THAP8: variants seen among roughly 807,000 people sequenced by gnomAD.
THAP8 encodes THAP domain containing 8.
A neutral mutation model predicts 25.0 loss-of-function variants in THAP8; 24 were observed. That is an observed-to-expected ratio of 0.96 (90% CI 0.69 to 1.35). The LOEUF (loss-of-function observed/expected upper bound fraction) is 1.35, where lower values mean the gene tolerates loss of function less well. Ranked by LOEUF, THAP8 falls within the 40% of genes most tolerant of loss-of-function variation. THAP8 has a pLI of 0.00. For synonymous variants in THAP8, 169 were observed against 157.6 expected, an observed-to-expected ratio of 1.07 and a Z score of -0.54; for missense variants, 399 against 368.8, an observed-to-expected ratio of 1.08 and a Z score of -0.67.
chr19:36,040,050 A>G lies in THAP8; in HGVS notation c.170T>C (p.Leu57Ser). ...EHWVPSCHQH[L>S]CSEHFTPSCF... ...GGAGGGTGTGAAGTGCTCGCTGCACAAGTGCTGGTGGCAGCTGGGCACCCA... is the reference window on the plus strand; with the variant it reads ...GGAGGGTGTGAAGTGCTCGCTGCACGAGTGCTGGTGGCAGCTGGGCACCCA... Residue 57 changes from leucine (L) to serine (S), a missense_variant, in exon 2 of 4, where the codon TTG (leucine) becomes TCG (serine). Physicochemically the swap from Leu to Ser is moderately radical, Grantham distance 145. Coordinates refer to ENST00000292894, the MANE Select transcript of THAP8 (RefSeq NM_152658.3). The G allele has an allele frequency of 6.2e-7, 1 of 1,613,736 alleles. No homozygotes were observed.
chr19:36,052,718 G>A (rs1274962123), intron 1 of THAP8, among the ~76,000 whole-genome samples: 1 of 152,168 alleles, frequency 6.6e-6, no homozygotes, highest in African/African-American at 2.4e-5. Context: ...CTCCAAACCT[G>A]GATTGTAAAT....
At chr19:36,035,835 G>A (rs1355404316) in intron 3 of THAP8, among the ~76,000 whole-genome samples, 2 of 152,018 alleles carry the variant, frequency 1.3e-5, no homozygotes, top group Non-Finnish European at 2.9e-5. Context: ...ACGCAGACAC[G>A]TGGGGGAAAG....
chr19:36,054,425 A>G, upstream of THAP8: 1 of 627,044 alleles, frequency 1.6e-6, no homozygotes, highest in Non-Finnish European at 2.8e-6. Context: ...CACGTGACGA[A>G]TGGGCCATAG....
At chr19:36,042,796 T>C (rs1969743065) in intron 1 of THAP8, among the ~76,000 whole-genome samples, 2 of 152,162 alleles carry the variant, frequency 1.3e-5, no homozygotes, top group South Asian at 4.1e-4. Flanking sequence ...AGATGCAGTC[T>C]CACTCTGTCA....
intron 1 of THAP8, among the ~76,000 whole-genome samples, 160 bp downstream of exon 1, chr19:36,053,975 G>A (rs540493241): frequency 6.6e-6 from 1 of 152,148 alleles, no homozygotes; most frequent in South Asian, 2.1e-4. Context: ...ACCTTTGTAT[G>A]TGCAATGGAC....
At position 36,039,391 on chromosome 19, in the gene THAP8, C is replaced by G. The variant is rs1286841408; in HGVS notation, c.604G>C (p.Glu202Gln). The G allele has an allele frequency of 6.5e-7, 1 of 1,545,018 alleles. No individual in the cohort carries two copies. The highest frequency in any genetic ancestry group is 1.2e-5 in the South Asian group (1 of 84,438). The part of the protein sequence containing the change: ...ERHQAQLQAL[E>Q]RLAQQLHGES... ...CCGTGTAGCTGCTGTGCCAGCCGTT[C>G]CAGGGCCTGCAGCTGCGCCTGGTGC... The change falls in exon 3 of 4, where the codon GAA becomes CAA. Residue 202 changes from glutamate to glutamine, a missense_variant. Transcript: ENST00000292894.
At position 36,054,201 on chromosome 19, in the gene THAP8, C is replaced by T. The variant is rs369085779; in HGVS notation, c.17G>A (p.Arg6Lys). 2 of 1,613,884 alleles carry T rather than the reference C, an allele frequency of 1.2e-6. No individual in the cohort carries two copies. The highest frequency in any genetic ancestry group is 1.7e-6 in the Non-Finnish European group (2 of 1,179,904). The change falls in exon 1 of 4, where the codon AGG becomes AAG. Residue 6 changes from arginine to lysine, a missense_variant. Coordinates refer to ENST00000292894, the MANE Select transcript of THAP8 (RefSeq NM_152658.3). MPKYCRAPNCSNTAGR... is the reference protein window; with the variant it reads MPKYCKAPNCSNTAGR... ...CGCAGTGTTGGAGCAGTTCGGCGCC[C>T]TGCAGTACTTGGGCATGGCTATCCA...
intron 3 of THAP8, among the ~76,000 whole-genome samples, chr19:36,037,338 TC>T (rs1969505395): frequency 1.3e-5 from 1 of 77,476 alleles, no homozygotes; most frequent in South Asian, 4.8e-4. Context: ...CTCAAATTCC[TC>T]CCCTACACAC....
chr19:36,044,627 C>A (rs1253361428), intron 1 of THAP8, among the ~76,000 whole-genome samples: 1 of 152,144 alleles, frequency 6.6e-6, no homozygotes, highest in African/African-American at 2.4e-5. Flanking sequence ...GTACCTGGGA[C>A]CACAGGCATG....
intron 3 of THAP8, among the ~76,000 whole-genome samples, chr19:36,037,840 A>G (rs547434086): frequency 2.0e-5 from 3 of 152,012 alleles, no homozygotes; most frequent in East Asian, 3.9e-4. Flanking sequence ...GAGTTTCACC[A>G]TGTTGGCCAG....
At chr19:36,035,722 G>A in intron 3 of THAP8, 130 bp from the exon 4 acceptor site, 9 of 1,045,030 alleles carry the variant, frequency 8.6e-6, no homozygotes, top group Non-Finnish European at 1.1e-5. Flanking sequence ...AGAGATGTGG[G>A]GAGAGATATG....
At chr19:36,040,920 C>T (rs186016481) in intron 1 of THAP8, among the ~76,000 whole-genome samples, 14 of 152,178 alleles carry the variant, frequency 9.2e-5, no homozygotes, top group East Asian at 5.8e-4. Context: ...TCAGCACAAA[C>T]GCAGGATGTG....
At chr19:36,045,421 C>T (rs1177280868) in intron 1 of THAP8, among the ~76,000 whole-genome samples, 1 of 152,062 alleles carries the variant, frequency 6.6e-6, no homozygotes, top group African/African-American at 2.4e-5. Context: ...AGGCATGTGC[C>T]ACATGCCCAG....
At chr19:36,048,341 C>A (rs1969942664) in intron 1 of THAP8, among the ~76,000 whole-genome samples, 1 of 150,424 alleles carries the variant, frequency 6.6e-6, no homozygotes, top group East Asian at 2.0e-4. Flanking sequence ...GGAGTTCCAG[C>A]CTGGGCAACA....
chr19:36,039,243 G>A, intron 3 of THAP8, 80 bp downstream of exon 3: 1 of 1,380,236 alleles, frequency 7.2e-7, no homozygotes, highest in Non-Finnish European at 9.3e-7. Flanking sequence ...TTTGAATAGG[G>A]GATCCTAGAC....
intron 1 of THAP8, among the ~76,000 whole-genome samples, chr19:36,040,476 G>A (rs1353934527): frequency 1.3e-5 from 2 of 152,008 alleles, no homozygotes; most frequent in African/African-American, 4.8e-5. Flanking sequence ...ACAGGCGCAC[G>A]CCACCACGCC....
At chr19:36,041,927 T>G (rs1470752209) in intron 1 of THAP8, among the ~76,000 whole-genome samples, 7 of 152,002 alleles carry the variant, frequency 4.6e-5, no homozygotes, top group Non-Finnish European at 1.0e-4. Context: ...CGAAAAAATA[T>G]TTTTTAAATT....
At chr19:36,038,092 G>A (rs953741931) in intron 3 of THAP8, among the ~76,000 whole-genome samples, 9 of 151,446 alleles carry the variant, frequency 5.9e-5, no homozygotes, top group African/African-American at 2.2e-4. Flanking sequence ...TTACAGGTGC[G>A]CCACCATGCC....
At chr19:36,053,832 T>C (rs1403729199) in intron 1 of THAP8, among the ~76,000 whole-genome samples, 1 of 152,120 alleles carries the variant, frequency 6.6e-6, no homozygotes, top group Non-Finnish European at 1.5e-5. Flanking sequence ...CTCAAATGCG[T>C]GGGGAGGGCA....
Sources: allele counts gnomAD v4.1 joint callset (sites outside exome capture counted in the v4.1 genomes callset), GRCh38; gene constraint gnomAD v4.1.1; transcripts MANE v1.5; gene names NCBI Gene and HGNC (gene_info 2026-07-23, HGNC 2026-07-21).